Variants in TNK2 observed in about 807,000 individuals in gnomAD.
The protein encoded by TNK2 is tyrosine kinase non receptor 2.
A neutral mutation model predicts 101.8 loss-of-function variants in TNK2; 83 were observed. That is an observed-to-expected ratio of 0.82 (90% CI 0.68 to 0.98). The LOEUF (loss-of-function observed/expected upper bound fraction) is 0.98, where lower values mean the gene tolerates loss of function less well. Ranked by LOEUF, TNK2 falls within the 50% of genes least tolerant of loss-of-function variation. The pLI is 0.00. For missense variants in TNK2, 1,665 were observed against 1,483.2 expected (o/e 1.12, Z -2.01); for synonymous variants, 804 against 633.0 (o/e 1.27, Z -4.06).
chr3:195,869,385 A>AG, intron 12 of TNK2, 112 bp downstream of exon 12: 5 of 892,986 alleles, frequency 5.6e-6, no homozygotes, highest in Non-Finnish European at 3.5e-6. Context: ...CACAGCACAC[A>AG]CCCACCCACC....
At chr3:195,891,031 C>G (rs1337289839) in intron 1 of TNK2, among the ~76,000 whole-genome samples, 1 of 152,114 alleles carries the variant, frequency 6.6e-6, no homozygotes, top group Non-Finnish European at 1.5e-5. Context: ...ATTAGAGTTC[C>G]CACTGTGTTG....
At chr3:195,864,358 T>C (rs1739111970) in intron 15 of TNK2, among the ~76,000 whole-genome samples, 171 bp from the exon 16 acceptor site, 1 of 152,054 alleles carries the variant, frequency 6.6e-6, no homozygotes, top group South Asian at 2.1e-4. Flanking sequence ...TAATAAACTA[T>C]GAGTAAACTA....
intron 6 of TNK2, among the ~76,000 whole-genome samples, chr3:195,880,047 A>G (rs1027418183): frequency 1.3e-5 from 2 of 152,122 alleles, no homozygotes; most frequent in Non-Finnish European, 2.9e-5. Context: ...GTCCTGGATC[A>G]TAAGGGTTGC....
rs372801916 is a variant in TNK2 at position 195,871,831 on chromosome 3, G to A, written c.1451+445C>T. ...GGGGGGGTGAACCTGTTTCACAGAT[G>A]AAGTGTCTCAGAGTTAGGAGATCGG... is the stretch of plus-strand genomic sequence containing the variant. On this transcript the variant is annotated intron_variant, in intron 10 of 15. Transcript: ENST00000672887. Among the ~76,000 whole-genome samples the A allele has an allele frequency of 9.2e-5, 14 of 152,282 alleles. No homozygotes were observed. In the East Asian group the frequency reaches 2.3e-3, roughly 25 times the overall value.
chr3:195,886,043 G>A lies in TNK2; in HGVS notation c.234+934C>T, dbSNP rs1211881023. On this transcript the variant is annotated intron_variant, in intron 3 of 15. Coordinates refer to ENST00000672887, the MANE Select transcript of TNK2 (RefSeq NM_001382273.1). This position sits in a 1 kb window ranked among gnomAD's most constrained non-coding sequence, Gnocchi z 4.2. ...CCGGTGCCTCCTGCAGCCCCGGGAG[G>A]TGAGCTGGGCAGTGGGGACCGGTAT... The A allele has an allele frequency of 6.2e-6, 1 of 160,898 alleles. No individual in the cohort carries two copies. The highest frequency in any genetic ancestry group is 1.4e-5 in the Non-Finnish European group (1 of 73,682). 10.0% of individuals were successfully genotyped at this position (160,898 alleles called of 1,614,324 possible).
chr3:195,872,477 G>A lies in TNK2; in HGVS notation c.1257-7C>T, dbSNP rs762035035. On this transcript the variant is annotated splice_region_variant and splice_polypyrimidine_tract_variant and intron_variant, in intron 9 of 15. Transcript: ENST00000672887. ...CCACCAGTAGTTCTCGGCCCTGCGC[G>A]ACAGAGATGGCACGGTGAACGCCAG... 2.4e-5 allele frequency: 38 copies of A among 1,573,192 alleles called. No homozygotes were observed. The highest frequency in any genetic ancestry group is 9.4e-5 in the South Asian group (8 of 84,862).
In TNK2 at chr3:195,867,266, T is replaced by G. The variant is rs371132186; in HGVS notation, c.2938-2A>C. 9.3e-6 allele frequency: 15 copies of G among 1,609,642 alleles called. No homozygotes were observed. The highest frequency in any genetic ancestry group is 1.1e-5 in the Non-Finnish European group (13 of 1,178,152). The stretch of plus-strand genomic sequence containing the variant: ...CACCCCATGCACCATGGCCTGCAGC[T>G]GGGCACACCCACCCCTGTCAGCACC... On this transcript the variant is annotated splice_acceptor_variant, in intron 13 of 15. Coordinates refer to ENST00000672887, the MANE Select transcript of TNK2 (RefSeq NM_001382273.1). LOFTEE classifies it high-confidence loss of function.
In TNK2 at chr3:195,888,430, C is replaced by T; in HGVS notation, c.159G>A (p.Arg53=). The change falls in exon 2 of 16, where the codon CGG becomes CGA. Residue 53 remains arginine (R), a synonymous_variant. Transcript: ENST00000672887. The surrounding 1 kb of genome is among the most constrained non-coding windows in gnomAD (Gnocchi z 5.3). Reference sequence around the variant, plus strand: ...CCAGGCCAACATCCCACCTACCAGGCCGACCCATGCCGATCTTCTCCAGGT... The same window carrying T: ...CCAGGCCAACATCCCACCTACCAGGTCGACCCATGCCGATCTTCTCCAGGT... The part of the protein sequence containing the change: ...NEDLEKIGMG[R]PGQRRLWEAV... 3 of 1,612,896 alleles carry T rather than the reference C, an allele frequency of 1.9e-6. No individual in the cohort carries two copies. Among genetic ancestry groups the T allele is most frequent in the Non-Finnish European group, 2.5e-6 (3 of 1,179,180 alleles).
Position 195,895,131 on chromosome 3 carries a change from G to A in TNK2, c.-18-6525C>T, listed in dbSNP as rs547397456. ...CACCGCTCTCTGTCCCCTGGCCCAGGAGCAGACACTCTCACTCCTGAGGCC... is the reference window on the plus strand; with the variant it reads ...CACCGCTCTCTGTCCCCTGGCCCAGAAGCAGACACTCTCACTCCTGAGGCC... On this transcript the variant is annotated intron_variant, in intron 1 of 15. Transcript: ENST00000672887. 6.4e-5 allele frequency: 64 copies of A among 998,954 alleles called. No homozygotes were observed. In the South Asian group the frequency reaches 1.0e-3, roughly 16 times the overall value. 61.9% of individuals were successfully genotyped at this position (998,954 alleles called of 1,614,324 possible).
chr3:195,868,754 G>A (rs1355459112), intron 12 of TNK2, 45 bp from the exon 13 acceptor site: 4 of 1,507,746 alleles, frequency 2.7e-6, no homozygotes, highest in South Asian at 1.3e-5. Flanking sequence ...GTCAGGCAGG[G>A]TCTGGGACAC....
chr3:195,889,604 T>C (rs767529666), intron 1 of TNK2, among the ~76,000 whole-genome samples: 5 of 152,206 alleles, frequency 3.3e-5, no homozygotes, highest in Non-Finnish European at 7.3e-5. Flanking sequence ...CAATGCTGAA[T>C]AGTTCAGATC....
intron 1 of TNK2, among the ~76,000 whole-genome samples, chr3:195,907,373 T>C (rs73087352): frequency 0.12 from 18,207 of 152,242 alleles, 1,472 homozygotes; most frequent in East Asian, 0.39. Flanking sequence ...CCACTCCCTC[T>C]GCCCCCAGAG....
At chr3:195,895,655 G>T (rs1577113928) in intron 1 of TNK2, 1 of 1,250,302 alleles carries the variant, frequency 8.0e-7, no homozygotes, top group Non-Finnish European at 1.0e-6. Flanking sequence ...GCCGGCCGCG[G>T]AACCGGGCTC....
intron 9 of TNK2, chr3:195,872,816 G>A (rs1746366140): frequency 3.9e-6 from 1 of 255,100 alleles, no homozygotes. Flanking sequence ...CCAGCTTTCA[G>A]GTCTGTGGGG....
At chr3:195,870,621 A>G (rs1744457897) in intron 10 of TNK2, among the ~76,000 whole-genome samples, 1 of 152,208 alleles carries the variant, frequency 6.6e-6, no homozygotes, top group African/African-American at 2.4e-5. Flanking sequence ...CTTCTGCCAC[A>G]TGGCCAGGAG....
intron 2 of TNK2, among the ~76,000 whole-genome samples, chr3:195,887,511 A>C (rs1430808027): frequency 1.3e-5 from 2 of 152,142 alleles, no homozygotes; most frequent in Non-Finnish European, 2.9e-5. Flanking sequence ...TATTTTAACT[A>C]AGTCAGTGTC....
At chr3:195,887,760 C>A (rs1016209813) in intron 2 of TNK2, among the ~76,000 whole-genome samples, 2 of 146,312 alleles carry the variant, frequency 1.4e-5, no homozygotes, top group Non-Finnish European at 3.0e-5. Flanking sequence ...CACGCGTGTG[C>A]GCACGTGTGT....
chr3:195,882,395 G>A lies in TNK2; in HGVS notation c.610-67C>T. The A allele has an allele frequency of 1.3e-6, 2 of 1,593,334 alleles. No individual in the cohort carries two copies. The highest frequency in any genetic ancestry group is 1.1e-5 in the South Asian group (1 of 89,282). ...CTGCCCCTTCTCAGCAGCCCACGCT[G>A]GGCCCCCAGTCCCCTTCCTGAAGGC... On this transcript the variant is annotated intron_variant, in intron 5 of 15. Coordinates refer to ENST00000672887, the MANE Select transcript of TNK2 (RefSeq NM_001382273.1). The surrounding 1 kb of genome is among the most constrained non-coding windows in gnomAD (Gnocchi z 4.2).
chr3:195,888,541 C>G lies in TNK2; in HGVS notation c.48G>C (p.Glu16Asp), dbSNP rs1189343310. 1.2e-6 allele frequency: 2 copies of G among 1,613,050 alleles called. No individual in the cohort carries two copies. The highest frequency in any genetic ancestry group is 1.1e-5 in the South Asian group (1 of 91,024). The change falls in exon 2 of 16, where the codon GAG (glutamate) becomes GAC (aspartate). Residue 16 changes from glutamate (E) to aspartate (D), a missense_variant. Physicochemically the swap from Glu to Asp is conservative, Grantham distance 45. This residue lies in a region of TNK2 where 490 missense variants were observed against 522.5 expected (regional missense o/e 0.94). Coordinates refer to ENST00000672887, the MANE Select transcript of TNK2 (RefSeq NM_001382273.1). This position sits in a 1 kb window ranked among gnomAD's most constrained non-coding sequence, Gnocchi z 5.3. ...GCAGGAAGTACTGTTGCAGCTGCAC[C>G]TCGGACAGCAGCTCCAGCAGCCAGC... ...GTGWLLELLS[E>D]VQLQQYFLRL...
Sources: gnomAD v4.1 joint callset for allele counts (sites outside exome capture counted in the v4.1 genomes callset) on GRCh38, gnomAD v4.1.1 for gene constraint, gnomAD v4.1.1 regional missense constraint, Gnocchi (gnomAD v3.1) non-coding constraint, MANE v1.5 for transcripts, NCBI Gene and HGNC (gene_info 2026-07-23, HGNC 2026-07-21) for gene names.